GMPS: variants seen among roughly 807,000 people sequenced by gnomAD.
The protein encoded by GMPS is GMP synthase [glutamine-hydrolyzing].
GMPS carries 15 observed loss-of-function variants against 77.9 expected under a neutral mutation model. The observed-to-expected ratio is 0.19, with a 90% CI of 0.13 to 0.30. The LOEUF is 0.30. Among genes scored for constraint, GMPS ranks in the 10% least tolerant of loss-of-function variants. GMPS has a pLI of 1.00. For missense variants in GMPS, 590 were observed against 838.8 expected, an observed-to-expected ratio of 0.70 and a Z score of 3.66; for synonymous variants, 224 against 275.9, an observed-to-expected ratio of 0.81 and a Z score of 1.86.
In GMPS at chr3:155,943,055, A is replaced by C. The variant is rs2108164579; in HGVS notation, c.*5363A>C. The C allele has an allele frequency of 5.7e-6, 1 of 176,470 alleles. No individual in the cohort carries two copies. The highest frequency in any genetic ancestry group is 2.4e-5 in the African/African-American group (1 of 42,274). 10.9% of individuals were successfully genotyped at this position (176,470 alleles called of 1,614,324 possible). A position where few individuals can be genotyped will look rare whatever the true frequency, so the allele number is the denominator to read the frequency against. ...AGACCAGCGTGGCCAACATGGTGAA[A>C]CCCCATTTCTACTAAAAATGTAAAA... is the stretch of plus-strand genomic sequence containing the variant. On this transcript the variant is annotated 3_prime_UTR_variant, in exon 16 of 16. Coordinates refer to ENST00000496455, the MANE Select transcript of GMPS (RefSeq NM_003875.3).
At chr3:155,911,062 T>C in intron 6 of GMPS, 52 bp from the exon 7 acceptor site, 1 of 1,432,572 alleles carries the variant, frequency 7.0e-7, no homozygotes, top group Non-Finnish European at 9.6e-7. Context: ...CAATAGTGTT[T>C]ATTTTCTTTT....
chr3:155,922,864 T>C (rs1391301406), intron 11 of GMPS, among the ~76,000 whole-genome samples: 1 of 152,172 alleles, frequency 6.6e-6, no homozygotes, highest in Non-Finnish European at 1.5e-5. Context: ...GTCTGAAAAT[T>C]GCAACGAAAT....
upstream of GMPS, chr3:155,870,637 A>T (rs1467842045): frequency 2.1e-6 from 1 of 466,456 alleles, no homozygotes; most frequent in Non-Finnish European, 3.8e-6. Flanking sequence ...GGGCGGAAGC[A>T]GGAGGCGGGG....
At chr3:155,913,544 CAG>C (rs1449784085) in intron 7 of GMPS, among the ~76,000 whole-genome samples, 3 of 145,602 alleles carry the variant, frequency 2.1e-5, no homozygotes, top group African/African-American at 5.0e-5. Flanking sequence ...TTTTTTGAGA[CAG>C]AGTCTTGTTC....
chr3:155,932,126 A>G (rs1013756419), intron 13 of GMPS, among the ~76,000 whole-genome samples: 18 of 152,232 alleles, frequency 1.2e-4, no homozygotes, highest in African/African-American at 3.9e-4. Context: ...TTTAAAGGAG[A>G]AAGATTTTTA....
At chr3:155,925,388 A>T (rs1465680459) in intron 12 of GMPS, 22 bp downstream of exon 12, 6 of 1,544,578 alleles carry the variant, frequency 3.9e-6, no homozygotes, top group East Asian at 2.3e-5. Context: ...GAATTCATTC[A>T]CCAGTGATAT....
chr3:155,899,319 G>A (rs749850297), intron 3 of GMPS, among the ~76,000 whole-genome samples: 46 of 151,694 alleles, frequency 3.0e-4, no homozygotes, highest in Non-Finnish European at 5.4e-4. Context: ...GGTGAGTGGA[G>A]ATCATGCCGT....
rs189693459 is a variant in GMPS at position 155,938,718 on chromosome 3, T to A, written c.*1026T>A. ...ATATTATTCATTGCTCAGACACCTGTGAACAGTCTTGATACATGCAAGATG... is the reference window on the plus strand; with the variant it reads ...ATATTATTCATTGCTCAGACACCTGAGAACAGTCTTGATACATGCAAGATG... On this transcript the variant is annotated 3_prime_UTR_variant, in exon 16 of 16. Coordinates refer to ENST00000496455, the MANE Select transcript of GMPS (RefSeq NM_003875.3). 1.7e-3 allele frequency: 343 copies of A among 204,126 alleles called. No individual in the cohort carries two copies. Among genetic ancestry groups the A allele is most frequent in the Non-Finnish European group, 2.8e-3 (280 of 99,588 alleles). 12.6% of individuals were successfully genotyped at this position (204,126 alleles called of 1,614,324 possible). A position where few individuals can be genotyped will look rare whatever the true frequency, so the allele number is the denominator to read the frequency against.
At chr3:155,927,918 C>A (rs1755497062) in intron 12 of GMPS, among the ~76,000 whole-genome samples, 1 of 151,980 alleles carries the variant, frequency 6.6e-6, no homozygotes, top group South Asian at 2.1e-4. Flanking sequence ...ATTCTTCTAA[C>A]CAATGGGCAT....
intron 2 of GMPS, among the ~76,000 whole-genome samples, chr3:155,896,729 A>ATTTTT (rs1020255894): frequency 6.5e-5 from 6 of 92,032 alleles, no homozygotes; most frequent in South Asian, 3.8e-4. Flanking sequence ...CCTTACTGAG[A>ATTTTT]TTTTTTTTTT....
chr3:155,880,811 C>T (rs1485324003), intron 1 of GMPS, among the ~76,000 whole-genome samples: 4 of 151,870 alleles, frequency 2.6e-5, no homozygotes, highest in South Asian at 4.2e-4. Context: ...CTTGGGTTAA[C>T]CACGTCTGGC....
chr3:155,871,782 G>C (rs1325650262), intron 1 of GMPS, among the ~76,000 whole-genome samples: 1 of 152,234 alleles, frequency 6.6e-6, no homozygotes, highest in Non-Finnish European at 1.5e-5. Flanking sequence ...TTGCCGCCTT[G>C]ACGTACCCGG....
chr3:155,910,658 A>C (rs1281141664), intron 5 of GMPS, 34 bp from the exon 6 acceptor site: 1 of 1,186,950 alleles, frequency 8.4e-7, no homozygotes, highest in Non-Finnish European at 1.2e-6. Context: ...TCAGCATGAA[A>C]AAATTTTAAT....
At chr3:155,921,061 G>A (rs1349675876) in intron 10 of GMPS, among the ~76,000 whole-genome samples, 1 of 152,160 alleles carries the variant, frequency 6.6e-6, no homozygotes, top group African/African-American at 2.4e-5. Context: ...GGCCAACGCG[G>A]TGAAACCCGA....
At chr3:155,893,733 T>G in intron 2 of GMPS, 34 bp downstream of exon 2, 1 of 1,179,360 alleles carries the variant, frequency 8.5e-7, no homozygotes, top group East Asian at 2.5e-5. Flanking sequence ...ATGAGGAGAT[T>G]GAACTTAGAT....
chr3:155,915,708 G>C (rs890713344), intron 8 of GMPS, among the ~76,000 whole-genome samples: 1 of 150,716 alleles, frequency 6.6e-6, no homozygotes, highest in Non-Finnish European at 1.5e-5. Context: ...CACTAATTTT[G>C]TATATTTAGT....
intron 8 of GMPS, 26 bp downstream of exon 8, chr3:155,914,596 C>T (rs771582639): frequency 1.4e-6 from 2 of 1,441,138 alleles, no homozygotes; most frequent in Non-Finnish European, 1.9e-6. Flanking sequence ...ATATCCTCAA[C>T]ATGTACTATT....
intron 12 of GMPS, among the ~76,000 whole-genome samples, chr3:155,928,043 T>C (rs1304325605): frequency 1.4e-5 from 2 of 146,862 alleles, no homozygotes; most frequent in Non-Finnish European, 3.0e-5. Flanking sequence ...TTTTTTTTTT[T>C]TGAGATGGAG....
chr3:155,922,877 T>C (rs1043600425), intron 11 of GMPS, among the ~76,000 whole-genome samples: 1 of 152,160 alleles, frequency 6.6e-6, no homozygotes, highest in African/African-American at 2.4e-5. Context: ...AACGAAATAA[T>C]TTTAAAGTGG....
Sources: gnomAD v4.1 joint callset for allele counts (sites outside exome capture counted in the v4.1 genomes callset) on GRCh38, gnomAD v4.1.1 for gene constraint, MANE v1.5 for transcripts, NCBI Gene and HGNC (gene_info 2026-07-23, HGNC 2026-07-21) for gene names.